Variants in SYT7 observed in about 807,000 individuals in gnomAD.
The protein encoded by SYT7 is synaptotagmin 7, also known as synaptotagmin-7.
SYT7 carries 29 observed loss-of-function variants against 75.1 expected under a neutral mutation model. The observed-to-expected ratio is 0.39, with a 90% CI of 0.29 to 0.53. The LOEUF is 0.53. Among genes scored for constraint, SYT7 ranks in the 20% least tolerant of loss-of-function variants. The pLI, the probability that SYT7 is intolerant of heterozygous loss-of-function variation, is 0.77. For synonymous variants in SYT7, 376 were observed against 401.7 expected (o/e 0.94, Z 0.76); for missense variants, 693 against 953.2 (o/e 0.73, Z 3.59).
chr11:61,574,549 G>T (rs1388911827), intron 1 of SYT7, among the ~76,000 whole-genome samples: 1 of 152,062 alleles, frequency 6.6e-6, no homozygotes, highest in East Asian at 1.9e-4. Flanking sequence ...TGGTCCCTCT[G>T]CAAAGCACAA....
intron 7 of SYT7, among the ~76,000 whole-genome samples, chr11:61,534,428 C>G (rs1402632997): frequency 2.3e-5 from 2 of 85,814 alleles, no homozygotes; most frequent in Admixed American, 2.8e-4. Flanking sequence ...CATGCGCATA[C>G]ACACACGCAC....
chr11:61,580,833 G>T lies in SYT7; in HGVS notation c.-13C>A. 7.9e-7 allele frequency: 1 copy of T among 1,260,646 alleles called. No individual in the cohort carries two copies. Among genetic ancestry groups the T allele is most frequent in the Non-Finnish European group, 1.0e-6 (1 of 1,000,474 alleles). 78.1% of individuals were successfully genotyped at this position (1,260,646 alleles called of 1,614,324 possible). A position where few individuals can be genotyped will look rare whatever the true frequency, so the allele number is the denominator to read the frequency against. ...GGTCCCGGTACATGGTCCCCTCGTC[G>T]CCGGTTCCCTCCGGGCTCCTCAGAG... On this transcript the variant is annotated 5_prime_UTR_variant, in exon 1 of 13. Coordinates refer to ENST00000539008, the MANE Select transcript of SYT7 (RefSeq NM_001365809.2). The surrounding 1 kb of genome is among the most constrained non-coding windows in gnomAD (Gnocchi z 6.1).
In SYT7 at chr11:61,556,089, C is replaced by A. The variant is rs750426046; in HGVS notation, c.135+15G>T. On this transcript the variant is annotated intron_variant, in intron 2 of 12. Coordinates refer to ENST00000539008, the MANE Select transcript of SYT7 (RefSeq NM_001365809.2). The stretch of plus-strand genomic sequence containing the variant: ...GGCTAGGCACCACCCTCCAAGGGGC[C>A]CTCAGGAGCCTCACCAGTTTGCGCT... 3.1e-6 allele frequency: 5 copies of A among 1,610,578 alleles called. No individual in the cohort carries two copies. The highest frequency in any genetic ancestry group is 4.2e-6 in the Non-Finnish European group (5 of 1,177,860).
At chr11:61,582,720 T>C (rs2135488001), upstream of SYT7, among the ~76,000 whole-genome samples, 1 of 152,272 alleles carries the variant, frequency 6.6e-6, no homozygotes, top group Admixed American at 6.5e-5. Context: ...ATCTCAGCCC[T>C]CACCCTCTGG....
At chr11:61,550,936 C>G (rs1321059596) in intron 3 of SYT7, among the ~76,000 whole-genome samples, 1 of 152,192 alleles carries the variant, frequency 6.6e-6, no homozygotes, top group Non-Finnish European at 1.5e-5. Context: ...TGCCTCCCCA[C>G]TTCCAGGTCA....
upstream of SYT7, among the ~76,000 whole-genome samples, chr11:61,582,992 AC>A (rs1313944367): frequency 6.6e-6 from 1 of 152,084 alleles, no homozygotes; most frequent in East Asian, 1.9e-4. Context: ...CTTTGGGATG[AC>A]GGGGCGGGAA....
In SYT7 at chr11:61,517,819, CA is replaced by C. The variant is rs749365936; in HGVS notation, c.*807del. ...GGAGGGAACTACTTCAGATTCTGAGCAGAGGGGGGCACCAAGGGGAGAAGGG... is the reference window on the plus strand; with the variant it reads ...GGAGGGAACTACTTCAGATTCTGAGCGAGGGGGGCACCAAGGGGAGAAGGG... On this transcript the variant is annotated 3_prime_UTR_variant, in exon 13 of 13. Transcript: ENST00000539008. 9.5e-5 allele frequency: 34 copies of C among 358,592 alleles called. No homozygotes were observed. The highest frequency in any genetic ancestry group is 1.4e-4 in the Admixed American group (3 of 20,790). 22.2% of individuals were successfully genotyped at this position (358,592 alleles called of 1,614,324 possible). A position where few individuals can be genotyped will look rare whatever the true frequency, so the allele number is the denominator to read the frequency against.
upstream of SYT7, among the ~76,000 whole-genome samples, chr11:61,583,523 G>A (rs951363147): frequency 6.6e-6 from 1 of 152,152 alleles, no homozygotes; most frequent in Non-Finnish European, 1.5e-5. Flanking sequence ...GGAGCTAAAG[G>A]CCCCGGAGCC....
intron 1 of SYT7, among the ~76,000 whole-genome samples, chr11:61,577,393 A>G (rs1233182566): frequency 2.0e-5 from 3 of 152,146 alleles, no homozygotes; most frequent in Admixed American, 1.3e-4. Flanking sequence ...GGTAGGTGGG[A>G]GGAGAGAGGT....
In SYT7 at chr11:61,524,546, T is replaced by A. The variant is rs1414078949; in HGVS notation, c.1472-14A>T. ...CATAGGGAAAACCTGGGGGTATAGATGAGTGTGAGTGAAGAGGGGGACAGA... is the reference window on the plus strand; with the variant it reads ...CATAGGGAAAACCTGGGGGTATAGAAGAGTGTGAGTGAAGAGGGGGACAGA... On this transcript the variant is annotated splice_polypyrimidine_tract_variant and intron_variant, in intron 9 of 12. Transcript: ENST00000539008. This position sits in a 1 kb window ranked among gnomAD's most constrained non-coding sequence, Gnocchi z 4.1. The A allele has an allele frequency of 6.4e-7, 1 of 1,561,004 alleles. No homozygotes were observed. The highest frequency in any genetic ancestry group is 1.2e-5 in the South Asian group (1 of 81,616).
In SYT7 at chr11:61,576,659, C is replaced by T. The variant is rs537117671; in HGVS notation, c.31+4131G>A. Among the ~76,000 whole-genome samples, 61 of 137,540 alleles carry T rather than the reference C, an allele frequency of 4.4e-4. No homozygotes were observed. The highest frequency in any genetic ancestry group is 7.4e-4 in the South Asian group (3 of 4,078). The allele number at this position is 137,540 out of a possible 152,430, so 90.2% of individuals were successfully genotyped here. Reference sequence around the variant, plus strand: ...GGGAACCAGTTATTGAAAACGAAAACGGTCCATCAGATTCAATAAGGATTC... The same window carrying T: ...GGGAACCAGTTATTGAAAACGAAAATGGTCCATCAGATTCAATAAGGATTC... On this transcript the variant is annotated intron_variant, in intron 1 of 12. Coordinates refer to ENST00000539008, the MANE Select transcript of SYT7 (RefSeq NM_001365809.2). The surrounding 1 kb of genome is among the most constrained non-coding windows in gnomAD (Gnocchi z 4.1).
chr11:61,520,451 G>A (rs566869263), intron 12 of SYT7, among the ~76,000 whole-genome samples: 6 of 152,158 alleles, frequency 3.9e-5, no homozygotes, highest in African/African-American at 1.4e-4. Flanking sequence ...CATGAGCCTG[G>A]GGAGGTCGAG....
At chr11:61,558,483 T>TACAC (rs201456086) in intron 1 of SYT7, among the ~76,000 whole-genome samples, 4 of 139,438 alleles carry the variant, frequency 2.9e-5, no homozygotes, top group African/African-American at 3.1e-5. Context: ...AAAATATATA[T>TACAC]ATACACACAC....
chr11:61,534,891 G>A (rs2062822519), intron 7 of SYT7, among the ~76,000 whole-genome samples: 1 of 152,230 alleles, frequency 6.6e-6, no homozygotes, highest in Non-Finnish European at 1.5e-5. Flanking sequence ...CGGGCAGGCA[G>A]GGGGAAGGAA....
At chr11:61,555,681 G>C (rs78117311) in intron 2 of SYT7, among the ~76,000 whole-genome samples, 6,852 of 152,280 alleles carry the variant, frequency 0.045, 284 homozygotes, top group African/African-American at 0.11. Flanking sequence ...GGAGGGGAGC[G>C]GGCAGAGGGG....
chr11:61,522,436 C>T (rs778634443), intron 12 of SYT7, among the ~76,000 whole-genome samples: 9 of 152,102 alleles, frequency 5.9e-5, no homozygotes, highest in Admixed American at 2.6e-4. Context: ...ATGATCCACC[C>T]GTCTTGGCCT....
chr11:61,528,434 C>A (rs1467996061), intron 8 of SYT7, among the ~76,000 whole-genome samples: 1 of 152,134 alleles, frequency 6.6e-6, no homozygotes, highest in Non-Finnish European at 1.5e-5. Flanking sequence ...ACACTCACTT[C>A]CCAGGCTCTC....
intron 6 of SYT7, 114 bp from the exon 7 acceptor site, chr11:61,538,380 AG>A: frequency 3.6e-6 from 3 of 831,708 alleles, no homozygotes; most frequent in South Asian, 1.9e-5. Flanking sequence ...AGAGAGAGAG[AG>A]AGAGAGAAAG....
chr11:61,547,455 A>G, intron 3 of SYT7, 147 bp from the exon 4 acceptor site: 1 of 920,472 alleles, frequency 1.1e-6, no homozygotes, highest in Non-Finnish European at 1.6e-6. Flanking sequence ...CGGGAGGAAG[A>G]AAGGCAGGCG....
Sources: allele counts gnomAD v4.1 joint callset (sites outside exome capture counted in the v4.1 genomes callset), GRCh38; gene constraint gnomAD v4.1.1; non-coding constraint Gnocchi (gnomAD v3.1); transcripts MANE v1.5; gene names NCBI Gene and HGNC (gene_info 2026-07-23, HGNC 2026-07-21).